The following CCDC178 variants were observed in gnomAD, a reference collection of about 807,000 sequenced individuals.
CCDC178 encodes coiled-coil domain-containing protein 178.
In CCDC178, 126 loss-of-function variants were observed where a neutral mutation model predicts 117.4. The observed-to-expected ratio is 1.07, with a 90% CI of 0.93 to 1.24. The LOEUF is 1.24. Among genes scored for constraint, CCDC178 ranks in the 50% most tolerant of loss-of-function variants. The pLI is 0.00. For missense variants in CCDC178, 1,030 were observed against 986.9 expected (o/e 1.04, Z -0.59); for synonymous variants, 283 against 313.4 (o/e 0.90, Z 1.02).
intron 5 of CCDC178, among the ~76,000 whole-genome samples, chr18:33,374,657 C>T (rs1025078105): frequency 6.6e-6 from 1 of 152,062 alleles, no homozygotes; most frequent in Non-Finnish European, 1.5e-5. Flanking sequence ...AAAAATATGT[C>T]CACAAAAAGA....
At chr18:33,278,392 T>C (rs1002750758) in intron 12 of CCDC178, among the ~76,000 whole-genome samples, 19 of 150,916 alleles carry the variant, frequency 1.3e-4, no homozygotes, top group Admixed American at 9.3e-4. Context: ...TACACTGAAA[T>C]AGTTGAGGAG....
At chr18:33,016,484 C>T (rs1294842874) in intron 21 of CCDC178, among the ~76,000 whole-genome samples, 1 of 151,856 alleles carries the variant, frequency 6.6e-6, no homozygotes, top group African/African-American at 2.4e-5. Flanking sequence ...TATAAATTGC[C>T]ATAAAAATGT....
chr18:33,354,170 C>A (rs1000490002), intron 7 of CCDC178, among the ~76,000 whole-genome samples: 2 of 152,076 alleles, frequency 1.3e-5, no homozygotes, highest in African/African-American at 4.8e-5. Flanking sequence ...ACTGAGGGTC[C>A]CTGGTACATG....
chr18:33,373,510 C>G (rs1343904611), intron 5 of CCDC178, among the ~76,000 whole-genome samples: 1 of 152,134 alleles, frequency 6.6e-6, no homozygotes, highest in East Asian at 1.9e-4. Context: ...CTGCAATATC[C>G]TCATCTGATC....
chr18:33,054,637 T>C, intron 21 of CCDC178, among the ~76,000 whole-genome samples: 1 of 152,262 alleles, frequency 6.6e-6, no homozygotes, highest in Admixed American at 6.5e-5. Flanking sequence ...TTCCATGGTA[T>C]ATATGTACCA....
chr18:32,995,169 C>A (rs1236858401), intron 21 of CCDC178, among the ~76,000 whole-genome samples: 1 of 151,992 alleles, frequency 6.6e-6, no homozygotes, highest in Non-Finnish European at 1.5e-5. Context: ...TAAATGCGAT[C>A]GCTTATCAAT....
chr18:33,167,018 A>C (rs141041672), intron 20 of CCDC178, among the ~76,000 whole-genome samples: 169 of 152,200 alleles, frequency 1.1e-3, no homozygotes, highest in African/African-American at 3.8e-3. Flanking sequence ...TTATAAGTGA[A>C]AGCATGCAGT....
At chr18:33,165,250 G>T (rs1339089822) in intron 20 of CCDC178, among the ~76,000 whole-genome samples, 3 of 152,048 alleles carry the variant, frequency 2.0e-5, no homozygotes, top group Admixed American at 2.0e-4. Flanking sequence ...CTGCCCCAGA[G>T]TCTGAGGTGG....
intron 15 of CCDC178, among the ~76,000 whole-genome samples, chr18:33,242,044 C>T (rs1369920027): frequency 6.6e-6 from 1 of 151,748 alleles, no homozygotes; most frequent in Non-Finnish European, 1.5e-5. Flanking sequence ...TCAAAGATAG[C>T]ATGGTACTGG....
intron 20 of CCDC178, among the ~76,000 whole-genome samples, chr18:33,094,362 C>A (rs1334824619): frequency 6.6e-6 from 1 of 151,922 alleles, no homozygotes; most frequent in East Asian, 1.9e-4. Flanking sequence ...CAAAAGATAG[C>A]TATACTAATT....
At chr18:33,237,013 T>C (rs2059433026) in intron 15 of CCDC178, among the ~76,000 whole-genome samples, 1 of 152,108 alleles carries the variant, frequency 6.6e-6, no homozygotes, top group African/African-American at 2.4e-5. Flanking sequence ...GTTGCATTGC[T>C]TCAAATTAGA....
At chr18:33,169,393 T>C (rs2058570819) in intron 20 of CCDC178, among the ~76,000 whole-genome samples, 1 of 152,188 alleles carries the variant, frequency 6.6e-6, no homozygotes, top group Admixed American at 6.6e-5. Context: ...GCTTAAAGAC[T>C]GTGTAAGTAC....
intron 14 of CCDC178, among the ~76,000 whole-genome samples, chr18:33,262,706 A>T (rs953282681): frequency 3.3e-5 from 5 of 152,236 alleles, no homozygotes; most frequent in African/African-American, 1.2e-4. Context: ...CTTCAGCCAC[A>T]TCAAAAGTGT....
chr18:33,375,816 T>C (rs1456848288), intron 5 of CCDC178, among the ~76,000 whole-genome samples: 1 of 152,136 alleles, frequency 6.6e-6, no homozygotes, highest in African/African-American at 2.4e-5. Context: ...GTATCCAAGT[T>C]ACTGGTGGCA....
chr18:33,288,081 T>C (rs1006229348), intron 12 of CCDC178, among the ~76,000 whole-genome samples: 2 of 152,154 alleles, frequency 1.3e-5, no homozygotes, highest in Admixed American at 1.3e-4. Flanking sequence ...CTGGGAAAGC[T>C]ACAGGCATTC....
At chr18:33,168,823 A>G (rs970801169) in intron 20 of CCDC178, among the ~76,000 whole-genome samples, 7 of 152,324 alleles carry the variant, frequency 4.6e-5, no homozygotes, top group Middle Eastern at 6.8e-3. Flanking sequence ...ACTTAATTGG[A>G]CCCAAAATAG....
chr18:33,144,862 G>A (rs1166791203), intron 20 of CCDC178, among the ~76,000 whole-genome samples: 1 of 152,086 alleles, frequency 6.6e-6, no homozygotes, highest in East Asian at 1.9e-4. Flanking sequence ...GAATAACAGT[G>A]CCATGAATCA....
chr18:33,214,980 T>C (rs1328004129), intron 19 of CCDC178, among the ~76,000 whole-genome samples: 1 of 151,838 alleles, frequency 6.6e-6, no homozygotes, highest in African/African-American at 2.4e-5. Context: ...AGAAGCAAAA[T>C]GAGTAAAGGA....
intron 7 of CCDC178, among the ~76,000 whole-genome samples, chr18:33,349,526 A>C (rs1447433749): frequency 1.3e-5 from 2 of 151,936 alleles, no homozygotes; most frequent in East Asian, 3.8e-4. Flanking sequence ...GGTGACTATA[A>C]ATTAAAATGT....
Sources: gnomAD v4.1 joint callset for allele counts (sites outside exome capture counted in the v4.1 genomes callset) on GRCh38, gnomAD v4.1.1 for gene constraint, MANE v1.5 for transcripts, NCBI Gene and HGNC (gene_info 2026-07-23, HGNC 2026-07-21) for gene names.